The following PRDM16 variants were observed in gnomAD, a reference collection of about 807,000 sequenced individuals.
PRDM16 encodes the protein PR/SET domain 16, also known as histone-lysine N-methyltransferase PRDM16.
In PRDM16, 23 loss-of-function variants were observed where a neutral mutation model predicts 110.6. The observed-to-expected ratio is 0.21, with a 90% CI of 0.15 to 0.29. The LOEUF is 0.29. Among genes scored for constraint, PRDM16 ranks in the 10% least tolerant of loss-of-function variants. The pLI, the probability that PRDM16 is intolerant of heterozygous loss-of-function variation, is 1.00. For synonymous variants in PRDM16, 799 were observed against 781.8 expected, an observed-to-expected ratio of 1.02 and a Z score of -0.37; for missense variants, 1,615 against 1,794.3, an observed-to-expected ratio of 0.90 and a Z score of 1.81.
intron 15 of PRDM16, among the ~76,000 whole-genome samples, chr1:3,431,641 C>T (rs1317517226): frequency 6.6e-6 from 1 of 152,216 alleles, no homozygotes; most frequent in Non-Finnish European, 1.5e-5. Context: ...GAGAGGGAGC[C>T]CCGGGCCTCT....
chr1:3,111,466 T>TGG (rs1642790179), intron 1 of PRDM16, among the ~76,000 whole-genome samples: 1 of 105,916 alleles, frequency 9.4e-6, no homozygotes, highest in Non-Finnish European at 1.9e-5. Flanking sequence ...CGGACTCCTG[T>TGG]GGGGAGGAGG....
chr1:3,113,276 A>C (rs1001845257), intron 1 of PRDM16, among the ~76,000 whole-genome samples: 8 of 152,158 alleles, frequency 5.3e-5, no homozygotes, highest in Non-Finnish European at 1.2e-4. Context: ...CATCAGGTGC[A>C]GGGGAGTGGG....
chr1:3,177,317 G>C (rs536865843), intron 1 of PRDM16, among the ~76,000 whole-genome samples: 1 of 152,172 alleles, frequency 6.6e-6, no homozygotes, highest in South Asian at 2.1e-4. Context: ...CATGACGAAG[G>C]CCCTTACTGA....
chr1:3,332,439 G>A lies in PRDM16; in HGVS notation c.439-52713G>A, dbSNP rs544676528. Among the ~76,000 whole-genome samples, 33 of 152,156 alleles carry A rather than the reference G, an allele frequency of 2.2e-4. 1 individual carries two copies. In the South Asian group the frequency reaches 3.7e-3, roughly 17 times the overall value. The stretch of plus-strand genomic sequence containing the variant: ...GGAGGCCGTGGGGCGGCTAGGGAGC[G>A]GTGGGGGGGCGTGGCCTGGCCCCCC... On this transcript the variant is annotated intron_variant, in intron 3 of 16. Coordinates refer to ENST00000270722, the MANE Select transcript of PRDM16 (RefSeq NM_022114.4).
intron 1 of PRDM16, among the ~76,000 whole-genome samples, chr1:3,114,201 A>ACGCGCGCACACGCG (rs761637919): frequency 8.1e-6 from 1 of 123,674 alleles, no homozygotes; most frequent in African/African-American, 3.4e-5. Flanking sequence ...ACGCACACGC[A>ACGCGCGCACACGCG]CGCACACACG....
At chr1:3,411,142 C>T (rs537664070) in intron 8 of PRDM16, among the ~76,000 whole-genome samples, 46 of 152,292 alleles carry the variant, frequency 3.0e-4, no homozygotes, top group African/African-American at 8.9e-4. Context: ...TGCCCAGACA[C>T]GGACACTTAC....
rs892243937 is a variant in PRDM16, at chr1:3,201,082, A to G, written c.387+14608A>G. Among the ~76,000 whole-genome samples, 1 of 152,060 alleles carries G rather than the reference A, an allele frequency of 6.6e-6. No homozygotes were observed. Among genetic ancestry groups the G allele is most frequent in the African/African-American group, 2.4e-5 (1 of 41,412 alleles). ...GACTCCGGGGAAGGCCAGCTGCCCAAATGACTGAAGTCTGATGGCAGAAGG... is the reference window on the plus strand; with the variant it reads ...GACTCCGGGGAAGGCCAGCTGCCCAGATGACTGAAGTCTGATGGCAGAAGG... On this transcript the variant is annotated intron_variant, in intron 2 of 16. Transcript: ENST00000270722. This position sits in a 1 kb window ranked among gnomAD's most constrained non-coding sequence, Gnocchi z 4.1.
chr1:3,153,763 A>G (rs2100728248), intron 1 of PRDM16, among the ~76,000 whole-genome samples: 1 of 152,378 alleles, frequency 6.6e-6, no homozygotes, highest in Non-Finnish European at 1.5e-5. Context: ...CACCAGCTGA[A>G]TATTAAACCC....
chr1:3,268,227 C>T (rs558997875), intron 3 of PRDM16, among the ~76,000 whole-genome samples: 44 of 152,138 alleles, frequency 2.9e-4, no homozygotes, highest in Non-Finnish European at 5.7e-4. Context: ...AGACCAGGTG[C>T]GCGTGGAAGT....
At chr1:3,260,822 G>A (rs1482686365) in intron 3 of PRDM16, among the ~76,000 whole-genome samples, 3 of 146,346 alleles carry the variant, frequency 2.0e-5, no homozygotes, top group African/African-American at 7.7e-5. Flanking sequence ...CATTGATGAT[G>A]ACGATGATGA....
chr1:3,225,574 G>GTGTGTGTGCGCGCGCA (rs1491529163), intron 2 of PRDM16, among the ~76,000 whole-genome samples: 5 of 135,116 alleles, frequency 3.7e-5, no homozygotes, highest in African/African-American at 1.7e-4. Flanking sequence ...GTGTGTGTGT[G>GTGTGTGTGCGCGCGCA]CGCGCGCGCA....
chr1:3,308,620 C>A (rs1028349880), intron 3 of PRDM16: 11 of 152,238 alleles, frequency 7.2e-5, no homozygotes, highest in African/African-American at 2.7e-4. Context: ...TTTCCTCGTG[C>A]CTGGTTTGCT....
chr1:3,198,837 T>C lies in PRDM16; in HGVS notation c.387+12363T>C, dbSNP rs900147864. 4.6e-5 allele frequency among the ~76,000 whole-genome samples: 7 copies of C among 152,156 alleles called. 1 individual carries two copies. The highest frequency in any genetic ancestry group is 4.6e-4 in the Admixed American group (7 of 15,284). ...TTTAATTGTACATCCCATTGTGTCG[T>C]CTCTGTTCAATCATGTTCAAAAATA... is the stretch of plus-strand genomic sequence containing the variant. On this transcript the variant is annotated intron_variant, in intron 2 of 16. Transcript: ENST00000270722.
chr1:3,403,870 C>G (rs1361095287), intron 6 of PRDM16, among the ~76,000 whole-genome samples: 1 of 152,238 alleles, frequency 6.6e-6, no homozygotes, highest in Non-Finnish European at 1.5e-5. Context: ...GGATTACCGC[C>G]CATCCCCGCA....
intron 1 of PRDM16, among the ~76,000 whole-genome samples, chr1:3,184,767 T>C (rs112201322): frequency 0.014 from 2,120 of 152,258 alleles, 51 homozygotes; most frequent in African/African-American, 0.048. Flanking sequence ...TCTGGGGGCC[T>C]GTGCTGGATG....
intron 1 of PRDM16, among the ~76,000 whole-genome samples, chr1:3,105,778 G>T (rs1451704390): frequency 6.6e-6 from 1 of 152,256 alleles, no homozygotes; most frequent in Non-Finnish European, 1.5e-5. Context: ...CTGAGAACGG[G>T]GCTAGCAGAG....
chr1:3,074,647 A>ACCTTGGTCGGGTGGCCTGG (rs1553119778), intron 1 of PRDM16, among the ~76,000 whole-genome samples: 1 of 152,112 alleles, frequency 6.6e-6, no homozygotes, highest in Non-Finnish European at 1.5e-5. Flanking sequence ...AGGAGCAGAA[A>ACCTTGGTCGGGTGGCCTGG]CCTTGGTCGG....
intron 14 of PRDM16, among the ~76,000 whole-genome samples, chr1:3,430,428 G>A (rs10909944): frequency 0.073 from 11,130 of 152,202 alleles, 464 homozygotes; most frequent in Middle Eastern, 0.11. Flanking sequence ...CAGGGCTCCC[G>A]GCTCTCGGGC....
At chr1:3,278,706 G>A (rs1373304856) in intron 3 of PRDM16, among the ~76,000 whole-genome samples, 3 of 152,182 alleles carry the variant, frequency 2.0e-5, no homozygotes, top group African/African-American at 2.4e-5. Flanking sequence ...TGTGATCTGA[G>A]GACCCTTAGA....
Sources: gnomAD v4.1 joint callset for allele counts (sites outside exome capture counted in the v4.1 genomes callset) on GRCh38, gnomAD v4.1.1 for gene constraint, Gnocchi (gnomAD v3.1) non-coding constraint, MANE v1.5 for transcripts, NCBI Gene and HGNC (gene_info 2026-07-23, HGNC 2026-07-21) for gene names.